The following HOXB5 variants were observed in gnomAD, a reference collection of about 807,000 sequenced individuals.
The protein encoded by HOXB5 is homeobox protein Hox-B5.
A neutral mutation model predicts 19.6 loss-of-function variants in HOXB5; 10 were observed. That is an observed-to-expected ratio of 0.51 (90% confidence interval 0.32 to 0.87). The LOEUF (loss-of-function observed/expected upper bound fraction) is 0.87. Among genes scored for constraint, HOXB5 ranks in the 40% least tolerant of loss-of-function variants. HOXB5 has a pLI of 0.04. For missense variants in HOXB5, 353 were observed against 369.6 expected, an observed-to-expected ratio of 0.96 and a Z score of 0.37; for synonymous variants, 167 against 156.9, an observed-to-expected ratio of 1.06 and a Z score of -0.48.
In HOXB5 at chr17:48,592,149, G is replaced by A; in HGVS notation, c.*60C>T. 1 of 1,568,932 alleles carries A rather than the reference G, an allele frequency of 6.4e-7. No individual in the cohort carries two copies. The highest frequency in any genetic ancestry group is 1.8e-5 in the Admixed American group (1 of 56,854). On this transcript the variant is annotated 3_prime_UTR_variant, in exon 2 of 2. Transcript: ENST00000239151. Reference sequence around the variant, plus strand: ...GGGCGGCGGCAGAGCGGGGAGGATTGGAGGGGCCAGGGCTGGGGGTGGCAC... The same window carrying A: ...GGGCGGCGGCAGAGCGGGGAGGATTAGAGGGGCCAGGGCTGGGGGTGGCAC...
chr17:48,593,061 A>AT, intron 1 of HOXB5, 60 bp downstream of exon 1: 2 of 331,726 alleles, frequency 6.0e-6, no homozygotes, highest in South Asian at 3.0e-5. Context: ...TGTCCCCCCG[A>AT]TCCCACCCCA....
chr17:48,592,364 G>C lies in HOXB5; in HGVS notation c.655C>G (p.Leu219Val). 6.2e-7 allele frequency: 1 copy of C among 1,614,216 alleles called. No homozygotes were observed. The highest frequency in any genetic ancestry group is 8.5e-7 in the Non-Finnish European group (1 of 1,180,040). ...ATCTCGATGCGCCGTCGCCGGGTCA[G>C]GTAGCGGTTGAAGTGGAACTCCTTT... The part of the protein sequence containing the change: ...LEKEFHFNRY[L>V]TRRRRIEIAH... The change falls in exon 2 of 2, where the codon CTG becomes GTG. Residue 219 changes from leucine (L) to valine (V), a missense_variant. Physicochemically the swap from Leu to Val is conservative, Grantham distance 32. Coordinates refer to ENST00000239151, the MANE Select transcript of HOXB5 (RefSeq NM_002147.4).
chr17:48,593,070 C>CCCCCCAA, intron 1 of HOXB5, 51 bp downstream of exon 1: 1 of 1,039,436 alleles, frequency 9.6e-7, no homozygotes. Context: ...GATCCCACCC[C>CCCCCCAA]AAAACGCAGA....
chr17:48,593,636 C>A lies in HOXB5; in HGVS notation c.47G>T (p.Gly16Val). 1 of 1,612,718 alleles carries A rather than the reference C, an allele frequency of 6.2e-7. No homozygotes were observed. Among genetic ancestry groups the A allele is most frequent in the African/African-American group, 1.3e-5 (1 of 74,984 alleles). The change falls in exon 1 of 2, where the codon GGC becomes GTC. Residue 16 changes from glycine to valine, a missense_variant. Coordinates refer to ENST00000239151, the MANE Select transcript of HOXB5 (RefSeq NM_002147.4). The stretch of plus-strand genomic sequence containing the variant: ...ATAATTTAGCAACTGATAGTCCGGG[C>A]CATTTGGATAACGCCCCGAGAAGGA... ...VNSFSGRYPN[G>V]PDYQLLNYGS...
chr17:48,593,059 C>CCCAACCCCCCCAA, intron 1 of HOXB5, 62 bp downstream of exon 1: 3 of 637,344 alleles, frequency 4.7e-6, no homozygotes, highest in East Asian at 6.4e-5. Context: ...CTTGTCCCCC[C>CCCAACCCCCCCAA]GATCCCACCC....
In HOXB5 at chr17:48,593,690, A is replaced by C; in HGVS notation, c.-8T>G. ...TACAAAGTACGAGCTCATTTGGGTG[A>C]TTTTGGAGGGCTTGATTTGTGGATC... On this transcript the variant is annotated 5_prime_UTR_variant, in exon 1 of 2. Transcript: ENST00000239151. 1 of 1,601,508 alleles carries C rather than the reference A, an allele frequency of 6.2e-7. No homozygotes were observed. Among genetic ancestry groups the C allele is most frequent in the Non-Finnish European group, 8.5e-7 (1 of 1,172,418 alleles).
At position 48,591,926 on chromosome 17, in the gene HOXB5, C is replaced by T. The variant is rs748334297; in HGVS notation, c.*283G>A. The T allele has an allele frequency of 4.7e-6, 1 of 210,602 alleles. No individual in the cohort carries two copies. The highest frequency in any genetic ancestry group is 9.1e-6 in the Non-Finnish European group (1 of 109,464). 13.0% of individuals were successfully genotyped at this position (210,602 alleles called of 1,614,324 possible). A position where few individuals can be genotyped will look rare whatever the true frequency, so the allele number is the denominator to read the frequency against. ...GGGGGAAAGACTGCAACCACAGACA[C>T]AAACATTCAGAAACACTGGCGGATT... On this transcript the variant is annotated 3_prime_UTR_variant, in exon 2 of 2. Transcript: ENST00000239151.
intron 1 of HOXB5, 133 bp downstream of exon 1, chr17:48,592,988 C>A: frequency 1.5e-6 from 1 of 656,122 alleles, no homozygotes; most frequent in Non-Finnish European, 2.5e-6. Flanking sequence ...TATGAGGCCC[C>A]TCTTAGATAC....
At position 48,593,424 on chromosome 17, in the gene HOXB5, G is replaced by C; in HGVS notation, c.259C>G (p.Gln87Glu). ...PAPAQEPRFR[Q>E]AASSCSLSSP... Reference sequence around the variant, plus strand: ...GACAGGGAGCAGCTCGAAGCCGCTTGCCTGAAGCGGGGCTCCTGGGCGGGC... The same window carrying C: ...GACAGGGAGCAGCTCGAAGCCGCTTCCCTGAAGCGGGGCTCCTGGGCGGGC... Residue 87 changes from glutamine to glutamate, a missense_variant, in exon 1 of 2, where the codon CAA becomes GAA. By Grantham distance (29) the Gln-to-Glu change is conservative. Transcript: ENST00000239151. The C allele has an allele frequency of 1.2e-6, 2 of 1,609,730 alleles. No homozygotes were observed. The highest frequency in any genetic ancestry group is 1.7e-6 in the Non-Finnish European group (2 of 1,177,338).
At chr17:48,592,502 AGGGAGGGGGCACTGGGT>A in intron 1 of HOXB5, 46 bp from the exon 2 acceptor site, 5 of 205,518 alleles carry the variant, frequency 2.4e-5, no homozygotes, top group African/African-American at 5.1e-5. Flanking sequence ...ATTCCGGTTA[AGGGAGGGGGCACTGGGT>A]GGGAGGGGGC....
chr17:48,593,756 T>A lies in HOXB5; in HGVS notation c.-74A>T. ...CTGTGCTTCACGATTTATGATGTAT[T>A]AATGAATTATAGCGATGCACTGTAC... On this transcript the variant is annotated 5_prime_UTR_variant, in exon 1 of 2. Coordinates refer to ENST00000239151, the MANE Select transcript of HOXB5 (RefSeq NM_002147.4). 8.4e-7 allele frequency: 1 copy of A among 1,188,274 alleles called. No individual in the cohort carries two copies. The highest frequency in any genetic ancestry group is 1.2e-6 in the Non-Finnish European group (1 of 865,026). The allele number at this position is 1,188,274 out of a possible 1,614,324, so 73.6% of individuals were successfully genotyped here.
Position 48,592,223 on chromosome 17 carries a change from C to A in HOXB5, c.796G>T (p.Ala266Ser). 2 of 1,613,620 alleles carry A rather than the reference C, an allele frequency of 1.2e-6. No individual in the cohort carries two copies. The highest frequency in any genetic ancestry group is 2.2e-5 in the East Asian group (1 of 44,858). Residue 266 changes from alanine (A) to serine (S), a missense_variant, in exon 2 of 2, where the codon GCC (alanine) becomes TCC (serine). Coordinates refer to ENST00000239151, the MANE Select transcript of HOXB5 (RefSeq NM_002147.4). ...TCTGGGCGGGCTCAGGGCTGGAAGG[C>A]GCTGCCAGCTGTAGCCAGGCTCATA... is the stretch of plus-strand genomic sequence containing the variant. ...KSMSLATAGSAFQP is the reference protein window; with the variant it reads ...KSMSLATAGSSFQP
Position 48,593,264 on chromosome 17 carries a change from G to A in HOXB5, c.419C>T (p.Ser140Leu), listed in dbSNP as rs558529403. Reference protein sequence around the residue: ...FTEIDEASASSEPEEAASQLS... With the variant: ...FTEIDEASASLEPEEAASQLS... ...CTGGCTTGCCGCTTCCTCAGGCTCC[G>A]AGGACGCGCTGGCCTCGTCTATTTC... Residue 140 changes from serine (S) to leucine (L), a missense_variant, in exon 1 of 2, where the codon TCG (serine) becomes TTG (leucine). Transcript: ENST00000239151. The A allele has an allele frequency of 1.2e-6, 2 of 1,613,804 alleles. No individual in the cohort carries two copies. Among genetic ancestry groups the A allele is most frequent in the East Asian group, 4.5e-5 (2 of 44,874 alleles).
chr17:48,593,053 T>TGCCCCCCCAACC, intron 1 of HOXB5, 68 bp downstream of exon 1: 1 of 621,648 alleles, frequency 1.6e-6, no homozygotes, highest in Non-Finnish European at 2.9e-6. Context: ...GCTCTCCTTG[T>TGCCCCCCCAACC]CCCCCCGATC....
In HOXB5 at chr17:48,593,236, T is replaced by C. The variant is rs771789110; in HGVS notation, c.447A>G (p.Leu149=). 2 of 1,613,800 alleles carry C rather than the reference T, an allele frequency of 1.2e-6. No individual in the cohort carries two copies. Among genetic ancestry groups the C allele is most frequent in the East Asian group, 4.5e-5 (2 of 44,870 alleles). The change falls in exon 1 of 2, where the codon CTA becomes CTG. Residue 149 remains leucine, a synonymous_variant. Coordinates refer to ENST00000239151, the MANE Select transcript of HOXB5 (RefSeq NM_002147.4). Reference sequence around the variant, plus strand: ...GCGCCCGAGCTAGGCTGGGGCTGCTTAGCTGGCTTGCCGCTTCCTCAGGCT... The same window carrying C: ...GCGCCCGAGCTAGGCTGGGGCTGCTCAGCTGGCTTGCCGCTTCCTCAGGCT... ...SSEPEEAASQ[L]SSPSLARAQP...
rs1283753410 is a variant in HOXB5 at position 48,593,110 on chromosome 17, G to C, written c.562+11C>G. The C allele has an allele frequency of 2.1e-6, 3 of 1,396,344 alleles. No homozygotes were observed. Among genetic ancestry groups the C allele is most frequent in the East Asian group, 5.4e-5 (2 of 37,276 alleles). The allele number at this position is 1,396,344 out of a possible 1,614,324, so 86.5% of individuals were successfully genotyped here. A position where few individuals can be genotyped will look rare whatever the true frequency, so the allele number is the denominator to read the frequency against. On this transcript the variant is annotated intron_variant, in intron 1 of 1. Coordinates refer to ENST00000239151, the MANE Select transcript of HOXB5 (RefSeq NM_002147.4). ...GAAAGCCGAGAAGACAAAAAAGAGAGAGAGAATTACCATGGCTGATGTGAA... is the reference window on the plus strand; with the variant it reads ...GAAAGCCGAGAAGACAAAAAAGAGACAGAGAATTACCATGGCTGATGTGAA...
chr17:48,593,171 C>T lies in HOXB5; in HGVS notation c.512G>A (p.Gly171Glu). Reference sequence around the variant, plus strand: ...CCAGGGGAATATTTGCGGAGTCTGCCCCTCGGGCGCGGCTGTGGAGGTGGC... The same window carrying T: ...CCAGGGGAATATTTGCGGAGTCTGCTCCTCGGGCGCGGCTGTGGAGGTGGC... ...PMATSTAAPE[G>E]QTPQIFPWMR... Residue 171 changes from glycine (G) to glutamate (E), a missense_variant, in exon 1 of 2, where the codon GGG becomes GAG. Transcript: ENST00000239151. 1.3e-6 allele frequency: 2 copies of T among 1,591,692 alleles called. No individual in the cohort carries two copies.
Position 48,592,101 on chromosome 17 carries a change from G to T in HOXB5, c.*108C>A. The T allele has an allele frequency of 1.5e-6, 2 of 1,307,074 alleles. No homozygotes were observed. Among genetic ancestry groups the T allele is most frequent in the South Asian group, 1.4e-5 (1 of 71,450 alleles). The allele number at this position is 1,307,074 out of a possible 1,614,324, so 81.0% of individuals were successfully genotyped here. A position where few individuals can be genotyped will look rare whatever the true frequency, so the allele number is the denominator to read the frequency against. Reference sequence around the variant, plus strand: ...AATATCGTAACACAAGGCGAGGCAGGCTTGTGGGAACCGGTCCCCAGCGGG... The same window carrying T: ...AATATCGTAACACAAGGCGAGGCAGTCTTGTGGGAACCGGTCCCCAGCGGG... On this transcript the variant is annotated 3_prime_UTR_variant, in exon 2 of 2. Coordinates refer to ENST00000239151, the MANE Select transcript of HOXB5 (RefSeq NM_002147.4).
In HOXB5 at chr17:48,592,285, C is replaced by G. The variant is rs746593126; in HGVS notation, c.734G>C (p.Arg245Pro). 2 of 1,614,016 alleles carry G rather than the reference C, an allele frequency of 1.2e-6. No individual in the cohort carries two copies. The highest frequency in any genetic ancestry group is 8.5e-7 in the Non-Finnish European group (1 of 1,180,004). ...GTTGTCCTTCTTCCACTTCATGCGC[C>G]GGTTCTGGAACCAGATCTTGATCTG... ...ERQIKIWFQN[R>P]RMKWKKDNKL... The change falls in exon 2 of 2, where the codon CGG (arginine) becomes CCG (proline). Residue 245 changes from arginine to proline, a missense_variant. Transcript: ENST00000239151.
Sources: allele counts gnomAD v4.1 joint callset, GRCh38; gene constraint gnomAD v4.1.1; transcripts MANE v1.5; gene names NCBI Gene and HGNC (gene_info 2026-07-23, HGNC 2026-07-21).